EYA1: variants seen among roughly 807,000 people sequenced by gnomAD.
EYA1 encodes protein phosphatase EYA1.
EYA1 carries 16 observed loss-of-function variants against 82.0 expected under a neutral mutation model. That is an observed-to-expected ratio of 0.20 (90% CI 0.13 to 0.30). The LOEUF is 0.30. Among genes scored for constraint, EYA1 ranks in the 10% least tolerant of loss-of-function variants. The probability of loss-of-function intolerance (pLI) is 1.00; values close to 1 mark genes in which losing one functional copy is unlikely to be tolerated. For synonymous variants in EYA1, 261 were observed against 264.4 expected, an observed-to-expected ratio of 0.99 and a Z score of 0.12; for missense variants, 633 against 730.7, an observed-to-expected ratio of 0.87 and a Z score of 1.54.
intron 2 of EYA1, among the ~76,000 whole-genome samples, chr8:71,506,040 T>C (rs1442573906): frequency 1.3e-5 from 2 of 152,190 alleles, no homozygotes. Flanking sequence ...TCTGCCATGA[T>C]TGTAAGTTTC....
intron 2 of EYA1, among the ~76,000 whole-genome samples, chr8:71,444,052 T>C (rs541169799): frequency 2.6e-5 from 4 of 152,316 alleles, no homozygotes; most frequent in Admixed American, 2.0e-4. Flanking sequence ...ACCGACTGAG[T>C]GAATGGTTGG....
intron 2 of EYA1, among the ~76,000 whole-genome samples, chr8:71,453,401 A>C (rs1018841237): frequency 1.3e-5 from 2 of 152,196 alleles, no homozygotes; most frequent in African/African-American, 4.8e-5. Flanking sequence ...CAACATTCAA[A>C]TTCAGGAAAT....
chr8:71,370,256 C>T (rs1208969434), intron 2 of EYA1, among the ~76,000 whole-genome samples: 1 of 151,508 alleles, frequency 6.6e-6, no homozygotes, highest in South Asian at 2.1e-4. Context: ...TAGGTGTGTC[C>T]ACAACACCAT....
chr8:71,226,406 C>G (rs1810559494), intron 12 of EYA1, among the ~76,000 whole-genome samples: 1 of 151,798 alleles, frequency 6.6e-6, no homozygotes, highest in South Asian at 2.1e-4. Flanking sequence ...TTCCTTCTTT[C>G]TCACCATGAA....
rs1812855196 is a variant in EYA1 at position 71,244,602 on chromosome 8, C to A, written c.1140+1G>T. The stretch of plus-strand genomic sequence containing the variant: ...AATATGTATTAAAAATTAGAACTTA[C>A]TTCTAAGTCATTAAAAAATAAATGT... On this transcript the variant is annotated splice_donor_variant, in intron 12 of 17. Coordinates refer to ENST00000340726, the MANE Select transcript of EYA1 (RefSeq NM_000503.6). LOFTEE classifies it high-confidence loss of function. 1 of 1,540,610 alleles carries A rather than the reference C, an allele frequency of 6.5e-7. No individual in the cohort carries two copies. Among genetic ancestry groups the A allele is most frequent in the South Asian group, 1.1e-5 (1 of 87,880 alleles).
At chr8:71,353,040 G>A (rs1033853668) in intron 3 of EYA1, among the ~76,000 whole-genome samples, 4 of 152,098 alleles carry the variant, frequency 2.6e-5, no homozygotes, top group South Asian at 2.1e-4. Flanking sequence ...ATATGTACTC[G>A]TATATTCTAT....
chr8:71,224,237 G>A (rs1466480829), intron 12 of EYA1, among the ~76,000 whole-genome samples: 1 of 152,224 alleles, frequency 6.6e-6, no homozygotes, highest in Non-Finnish European at 1.5e-5. Context: ...TGCTGATCAA[G>A]GCTATAGTAT....
At chr8:71,281,007 T>C (rs747135) in intron 9 of EYA1, among the ~76,000 whole-genome samples, 36,001 of 152,108 alleles carry the variant, frequency 0.24, 4,660 homozygotes, top group Admixed American at 0.29. Context: ...TCTGCCTGCC[T>C]GGGCCACCAG....
Position 71,217,005 on chromosome 8 carries a change from T to C in EYA1, c.1159A>G (p.Ile387Val). Residue 387 changes from isoleucine to valine, a missense_variant, in exon 13 of 18, where the codon ATA (isoleucine) becomes GTA (valine). Ile to Val is a conservative substitution (Grantham distance 29). Coordinates refer to ENST00000340726, the MANE Select transcript of EYA1 (RefSeq NM_000503.6). ...TTATCATCTGAAGAAACATCATCTA[T>C]ATGGACTTGGTCACATTCCTAAAAT... ...NDLEECDQVH[I>V]DDVSSDDNGQ... is the part of the protein sequence containing the mutation. 6.2e-7 allele frequency: 1 copy of C among 1,613,492 alleles called. No individual in the cohort carries two copies.
chr8:71,451,416 T>C (rs2129180050), intron 2 of EYA1, among the ~76,000 whole-genome samples: 2 of 152,252 alleles, frequency 1.3e-5, no homozygotes, highest in African/African-American at 4.8e-5. Flanking sequence ...AAATAAAGAA[T>C]AAGAGCAGAA....
Position 71,412,268 on chromosome 8 carries a change from T to A in EYA1, c.34-55757A>T, listed in dbSNP as rs570771995. ...GGGGGAGGGATAGCATTGGGAGATATACCTAATGCTAGATGACGAGTTAGT... is the reference window on the plus strand; with the variant it reads ...GGGGGAGGGATAGCATTGGGAGATAAACCTAATGCTAGATGACGAGTTAGT... On this transcript the variant is annotated intron_variant, in intron 2 of 18. Transcript: ENST00000643681. Among the ~76,000 whole-genome samples, 4 of 142,528 alleles carry A rather than the reference T, an allele frequency of 2.8e-5. No homozygotes were observed. In the East Asian group the frequency reaches 8.7e-4, roughly 31 times the overall value. 93.5% of individuals were successfully genotyped at this position (142,528 alleles called of 152,430 possible).
At chr8:71,398,437 C>T (rs1217093681) in intron 2 of EYA1, among the ~76,000 whole-genome samples, 7 of 152,054 alleles carry the variant, frequency 4.6e-5, no homozygotes, top group African/African-American at 1.7e-4. Context: ...TTTTATCTAC[C>T]TTTGGTCTTT....
At chr8:71,407,388 A>G (rs1249997393) in intron 2 of EYA1, among the ~76,000 whole-genome samples, 2 of 144,962 alleles carry the variant, frequency 1.4e-5, no homozygotes, top group Non-Finnish European at 3.0e-5. Flanking sequence ...GACTTTGACG[A>G]GCTGAGAGAA....
At chr8:71,445,443 AC>A (rs1806803058) in intron 2 of EYA1, among the ~76,000 whole-genome samples, 1 of 152,198 alleles carries the variant, frequency 6.6e-6, no homozygotes, top group Admixed American at 6.5e-5. Flanking sequence ...AAGTAGACTT[AC>A]CTTTAGTGTA....
At chr8:71,468,564 G>A (rs1481335663) in intron 2 of EYA1, among the ~76,000 whole-genome samples, 2 of 152,110 alleles carry the variant, frequency 1.3e-5, no homozygotes, top group Non-Finnish European at 2.9e-5. Flanking sequence ...CCACTGAATT[G>A]TATACTCTAA....
chr8:71,289,129 C>T (rs1445001302), intron 9 of EYA1, among the ~76,000 whole-genome samples: 1 of 152,030 alleles, frequency 6.6e-6, no homozygotes, highest in East Asian at 1.9e-4. Context: ...AAGGAGGTCC[C>T]TGGAAGGAAG....
intron 2 of EYA1, among the ~76,000 whole-genome samples, chr8:71,466,450 G>A (rs1808777184): frequency 6.6e-6 from 1 of 152,114 alleles, no homozygotes; most frequent in Non-Finnish European, 1.5e-5. Context: ...GTGATATGAA[G>A]TATTGTGCAT....
intron 17 of EYA1, among the ~76,000 whole-genome samples, 183 bp from the exon 18 acceptor site, chr8:71,199,603 AC>A (rs1204131656): frequency 6.6e-6 from 1 of 152,208 alleles, no homozygotes; most frequent in Non-Finnish European, 1.5e-5. Flanking sequence ...AGAATACTGG[AC>A]TGAGTTGTAA....
chr8:71,363,468 A>G (rs1216845586), upstream of EYA1, among the ~76,000 whole-genome samples: 2 of 152,168 alleles, frequency 1.3e-5, no homozygotes, highest in Non-Finnish European at 2.9e-5. Flanking sequence ...CTAGGATTTC[A>G]TTTTGTATAG....
Sources: allele counts gnomAD v4.1 joint callset (sites outside exome capture counted in the v4.1 genomes callset), GRCh38; gene constraint gnomAD v4.1.1; transcripts MANE v1.5; gene names NCBI Gene and HGNC (gene_info 2026-07-23, HGNC 2026-07-21).